CCNY: variants seen among roughly 807,000 people sequenced by gnomAD.
CCNY encodes the protein cyclin-Y.
Under a neutral mutation model 42.8 loss-of-function variants are expected in CCNY, and 19 were observed. The ratio of observed to expected loss-of-function variants is 0.44; its 90% CI spans 0.31 to 0.65. The LOEUF is 0.65. Ranked by LOEUF, CCNY falls within the 30% of genes least tolerant of loss-of-function variation. CCNY has a pLI of 0.07. For synonymous variants in CCNY, 165 were observed against 162.7 expected (o/e 1.01, Z -0.11); for missense variants, 370 against 437.3 (o/e 0.85, Z 1.37).
intron 7 of CCNY, among the ~76,000 whole-genome samples, chr10:35,542,467 A>G (rs1313579600): frequency 3.3e-5 from 5 of 152,008 alleles, no homozygotes; most frequent in Admixed American, 6.5e-5. Flanking sequence ...TGTACTGTGT[A>G]TCCTTCGAAT....
chr10:35,544,891 T>C (rs1192087269), intron 7 of CCNY, among the ~76,000 whole-genome samples: 1 of 152,246 alleles, frequency 6.6e-6, no homozygotes, highest in Non-Finnish European at 1.5e-5. Flanking sequence ...TGTTTTGTTC[T>C]TTCTCTTCTG....
At chr10:35,501,690 C>A in intron 3 of CCNY, 155 bp downstream of exon 3, 1 of 667,172 alleles carries the variant, frequency 1.5e-6, no homozygotes, top group Non-Finnish European at 2.7e-6. Flanking sequence ...TGTAATTGGA[C>A]AAGCATCACT....
intron 1 of CCNY, among the ~76,000 whole-genome samples, chr10:35,349,222 A>G (rs1323334917): frequency 6.6e-6 from 1 of 152,018 alleles, no homozygotes; most frequent in Non-Finnish European, 1.5e-5. Flanking sequence ...CTGGAAGGAG[A>G]GCTCAGCAGG....
chr10:35,477,337 A>C (rs1260163859), intron 1 of CCNY, among the ~76,000 whole-genome samples: 2 of 151,526 alleles, frequency 1.3e-5, no homozygotes, highest in African/African-American at 2.4e-5. Context: ...ACAACCAAAA[A>C]AGAGAATTTT....
intron 2 of CCNY, among the ~76,000 whole-genome samples, chr10:35,493,845 T>C (rs1394931595): frequency 6.6e-6 from 1 of 152,214 alleles, no homozygotes. Flanking sequence ...TCAGTAAATA[T>C]AATCCTTACC....
chr10:35,254,369 G>GA (rs917678474), intron 3 of CCNY, among the ~76,000 whole-genome samples: 1 of 151,954 alleles, frequency 6.6e-6, no homozygotes, highest in African/African-American at 2.4e-5. Flanking sequence ...CTGTTTTAGT[G>GA]AAAAAAATTA....
chr10:35,502,076 C>T (rs1212234547), intron 3 of CCNY, among the ~76,000 whole-genome samples: 1 of 152,114 alleles, frequency 6.6e-6, no homozygotes, highest in African/African-American at 2.4e-5. Context: ...GTCTTTTGGC[C>T]ATTCTTAGCC....
chr10:35,467,311 G>A (rs539402887), intron 1 of CCNY, among the ~76,000 whole-genome samples: 72 of 152,142 alleles, frequency 4.7e-4, no homozygotes, highest in Non-Finnish European at 8.5e-4. Flanking sequence ...TATGCTAATT[G>A]TTTATTGCTC....
rs535761596 is a variant in CCNY, at chr10:35,477,102, C to T, written c.155-6302C>T. 2.5e-4 allele frequency among the ~76,000 whole-genome samples: 38 copies of T among 152,244 alleles called. No homozygotes were observed. In the East Asian group the frequency reaches 5.8e-3, roughly 23 times the overall value. ...ACTAAACCAGGAAGAAGTTGAATCT[C>T]TGAATAGACCAATAACAGGATCTGA... is the stretch of plus-strand genomic sequence containing the variant. On this transcript the variant is annotated intron_variant, in intron 1 of 9. Coordinates refer to ENST00000374704, the MANE Select transcript of CCNY (RefSeq NM_145012.6).
chr10:35,522,942 C>A (rs1275405483), intron 4 of CCNY, among the ~76,000 whole-genome samples: 2 of 152,240 alleles, frequency 1.3e-5, no homozygotes, highest in Non-Finnish European at 2.9e-5. Flanking sequence ...AACCCCACTA[C>A]TGCCTTGGCT....
chr10:35,535,232 G>A (rs1190484467), intron 7 of CCNY, among the ~76,000 whole-genome samples: 2 of 151,946 alleles, frequency 1.3e-5, no homozygotes, highest in Non-Finnish European at 2.9e-5. Context: ...ACAGAGAAGG[G>A]GGTGGTTGTC....
At chr10:35,556,324 C>T (rs1042232100) in intron 8 of CCNY, among the ~76,000 whole-genome samples, 1 of 152,216 alleles carries the variant, frequency 6.6e-6, no homozygotes, top group African/African-American at 2.4e-5. Flanking sequence ...AGATGCAGCT[C>T]AGGTGCCTTG....
At chr10:35,470,607 G>C (rs919675782) in intron 1 of CCNY, among the ~76,000 whole-genome samples, 6 of 152,208 alleles carry the variant, frequency 3.9e-5, no homozygotes, top group Non-Finnish European at 5.9e-5. Flanking sequence ...AAATAAACTT[G>C]AAGTCAGTGG....
At chr10:35,540,807 A>C (rs1426954565) in intron 7 of CCNY, among the ~76,000 whole-genome samples, 1 of 152,182 alleles carries the variant, frequency 6.6e-6, no homozygotes, top group African/African-American at 2.4e-5. Flanking sequence ...GTTGTCATGC[A>C]GTTGTTCCAC....
At chr10:35,380,418 G>A (rs1837156683) in intron 1 of CCNY, among the ~76,000 whole-genome samples, 1 of 152,132 alleles carries the variant, frequency 6.6e-6, no homozygotes, top group South Asian at 2.1e-4. Context: ...GAGTTTTAAA[G>A]CCCAAAGAGA....
intron 1 of CCNY, among the ~76,000 whole-genome samples, chr10:35,341,525 T>G (rs1836182716): frequency 6.6e-6 from 1 of 152,272 alleles, no homozygotes; most frequent in Admixed American, 6.5e-5. Context: ...ATTGTTTGGT[T>G]CACTGATGTA....
chr10:35,251,464 C>T (rs1370915022), intron 3 of CCNY, among the ~76,000 whole-genome samples: 3 of 152,046 alleles, frequency 2.0e-5, no homozygotes, highest in African/African-American at 7.2e-5. Flanking sequence ...AAAGATGTAG[C>T]TTCAGGTGCA....
chr10:35,333,414 C>G (rs988476203), upstream of CCNY, among the ~76,000 whole-genome samples: 1 of 152,188 alleles, frequency 6.6e-6, no homozygotes, highest in Non-Finnish European at 1.5e-5. Flanking sequence ...AGGCTCCCCT[C>G]ATCCCTTTCT....
chr10:35,316,831 A>G (rs373678182), intron 3 of CCNY, among the ~76,000 whole-genome samples: 1 of 152,218 alleles, frequency 6.6e-6, no homozygotes, highest in African/African-American at 2.4e-5. Context: ...TGATTGAGGT[A>G]TTGGTAGAGA....
Sources: gnomAD v4.1 joint callset for allele counts (sites outside exome capture counted in the v4.1 genomes callset) on GRCh38, gnomAD v4.1.1 for gene constraint, MANE v1.5 for transcripts, NCBI Gene and HGNC (gene_info 2026-07-23, HGNC 2026-07-21) for gene names.